The following NFASC variants were observed in gnomAD, a reference collection of about 807,000 sequenced individuals.
NFASC encodes neurofascin homolog.
A neutral mutation model predicts 147.5 loss-of-function variants in NFASC; 43 were observed. The ratio of observed to expected loss-of-function variants is 0.29; its 90% CI spans 0.23 to 0.38. The LOEUF (loss-of-function observed/expected upper bound fraction) is 0.38, where lower values mean the gene tolerates loss of function less well. NFASC is among the 10% of genes least tolerant of loss of function. NFASC has a pLI of 1.00. For synonymous variants in NFASC, 622 were observed against 665.5 expected, an observed-to-expected ratio of 0.93 and a Z score of 1.01; for missense variants, 1,320 against 1,689.0, an observed-to-expected ratio of 0.78 and a Z score of 3.83.
chr1:204,977,112 A>T, intron 16 of NFASC: 2 of 1,188,964 alleles, frequency 1.7e-6, no homozygotes, highest in Non-Finnish European at 2.1e-6. Flanking sequence ...TAACTCCACC[A>T]CTAAGTCAAT....
chr1:204,899,188 A>C (rs181465028), intron 1 of NFASC, among the ~76,000 whole-genome samples: 3 of 152,374 alleles, frequency 2.0e-5, no homozygotes, highest in Non-Finnish European at 4.4e-5. Flanking sequence ...GGCTCCATGC[A>C]GCCATCAGAG....
At chr1:204,951,625 C>T (rs1244500813) in intron 4 of NFASC, among the ~76,000 whole-genome samples, 4 of 151,670 alleles carry the variant, frequency 2.6e-5, no homozygotes, top group Non-Finnish European at 4.4e-5. Context: ...CCCTCCACCA[C>T]GCCCGGCTAA....
chr1:204,969,342 G>T (rs776006921), intron 10 of NFASC, among the ~76,000 whole-genome samples: 1 of 152,188 alleles, frequency 6.6e-6, no homozygotes, highest in Non-Finnish European at 1.5e-5. Flanking sequence ...AGCCCGTGCT[G>T]TCTGTGTACC....
chr1:205,013,015 T>C (rs2096281120), intron 29 of NFASC, 149 bp downstream of exon 29: 1 of 651,792 alleles, frequency 1.5e-6, no homozygotes, highest in South Asian at 1.8e-5. Context: ...CTGGTGGCGC[T>C]GTGGTGGAGA....
Position 204,979,044 on chromosome 1 carries a change from G to T in NFASC, c.1953G>T (p.Gly651=). The T allele has an allele frequency of 1.9e-6, 3 of 1,563,894 alleles. No individual in the cohort carries two copies. Among genetic ancestry groups the T allele is most frequent in the Admixed American group, 1.9e-5 (1 of 53,998 alleles). The change falls in exon 18 of 30, where the codon GGG becomes GGT. Residue 651 remains glycine (G), a synonymous_variant. Coordinates refer to ENST00000339876, the MANE Select transcript of NFASC (RefSeq NM_001005388.3). This position sits in a 1 kb window ranked among gnomAD's most constrained non-coding sequence, Gnocchi z 6.0. ...ERSVRLTWIP[G]DANNSPITDY... ...GCGTGCGGCTGACCTGGATCCCCGGGGATGCTAACAACAGCCCCATCACAG... is the reference window on the plus strand; with the variant it reads ...GCGTGCGGCTGACCTGGATCCCCGGTGATGCTAACAACAGCCCCATCACAG...
chr1:204,991,292 C>T lies in NFASC; in HGVS notation c.2768C>T (p.Ala923Val), dbSNP rs1357083380. Residue 923 changes from alanine (A) to valine (V), a missense_variant and splice_region_variant, in exon 24 of 30, where the codon GCT (alanine) becomes GTT (valine). This residue lies in a region of NFASC where 981 missense variants were observed against 1,289.5 expected (regional missense o/e 0.76). Coordinates refer to ENST00000339876, the MANE Select transcript of NFASC (RefSeq NM_001005388.3). ...TEESPAPPNE[A>V]TPTAAPPTLP... ...CCATCTTGGGCGCTGTGTTCTGAAG[C>T]TACTCCAACCGCAGGTACCGTACCA... 8 of 1,612,930 alleles carry T rather than the reference C, an allele frequency of 5.0e-6. No homozygotes were observed. The highest frequency in any genetic ancestry group is 6.8e-6 in the Non-Finnish European group (8 of 1,179,428).
chr1:204,939,038 A>ATGTTTGTGTGTG (rs772779672), intron 2 of NFASC, among the ~76,000 whole-genome samples: 1 of 123,670 alleles, frequency 8.1e-6, no homozygotes. Context: ...GTATGGATGG[A>ATGTTTGTGTGTG]TGTGTGTGTG....
rs753916176 is a variant in NFASC, at chr1:204,957,740, T to C, written c.620T>C (p.Met207Thr). 9 of 1,614,180 alleles carry C rather than the reference T, an allele frequency of 5.6e-6. No homozygotes were observed. The East Asian group carries it at 1.6e-4, about 28-fold the overall frequency. The change falls in exon 8 of 30, where the codon ATG (methionine) becomes ACG (threonine). Residue 207 changes from methionine (M) to threonine (T), a missense_variant. Around this residue, in one of 3 missense-constraint regions of NFASC, gnomAD observed 981 missense variants for 1,289.5 expected, o/e 0.76. Transcript: ENST00000339876. ...TTCTCCAACGTGATGCTGCAGGACA[T>C]GCAGACCGACTACAGTTGTAACGCC... ...LYFSNVMLQD[M>T]QTDYSCNARF...
chr1:204,943,299 TCTC>T (rs1052280521), intron 2 of NFASC, among the ~76,000 whole-genome samples: 10 of 152,186 alleles, frequency 6.6e-5, no homozygotes, highest in African/African-American at 2.2e-4. Context: ...TTCTTGCTCT[TCTC>T]TTTCTAGAGG....
chr1:205,015,451 CAG>C lies in NFASC; in HGVS notation c.3492-852_3492-851del, dbSNP rs2096336985. On this transcript the variant is annotated intron_variant, in intron 29 of 29. Coordinates refer to ENST00000339876, the MANE Select transcript of NFASC (RefSeq NM_001005388.3). This position sits in a 1 kb window ranked among gnomAD's most constrained non-coding sequence, Gnocchi z 4.0. The stretch of plus-strand genomic sequence containing the variant: ...CATGGTGCCTGAACAGACGCTGGCT[CAG>C]AGAGCAGCCCCGCGCCTCCTCAGGA... Among the ~76,000 whole-genome samples, 1 of 152,186 alleles carries C rather than the reference CAG, an allele frequency of 6.6e-6. No homozygotes were observed. The highest frequency in any genetic ancestry group is 2.4e-5 in the African/African-American group (1 of 41,454).
At chr1:204,981,476 TG>T (rs2095508116) in intron 20 of NFASC, among the ~76,000 whole-genome samples, 1 of 152,276 alleles carries the variant, frequency 6.6e-6, no homozygotes, top group Non-Finnish European at 1.5e-5. Flanking sequence ...TTTGCTTTAT[TG>T]GTTGCTCCTG....
At chr1:204,970,975 A>G (rs999315042) in intron 11 of NFASC, among the ~76,000 whole-genome samples, 1 of 152,124 alleles carries the variant, frequency 6.6e-6, no homozygotes, top group African/African-American at 2.4e-5. Context: ...TCATATTCCC[A>G]TGCTTAAGGG....
chr1:204,928,466 C>T (rs930597798), intron 2 of NFASC, among the ~76,000 whole-genome samples: 1 of 152,180 alleles, frequency 6.6e-6, no homozygotes, highest in African/African-American at 2.4e-5. Context: ...CACCTATGCA[C>T]TTTGGGCTTC....
chr1:204,867,735 A>T (rs1417537031), intron 1 of NFASC, among the ~76,000 whole-genome samples: 1 of 152,090 alleles, frequency 6.6e-6, no homozygotes, highest in African/African-American at 2.4e-5. Context: ...CTATCTGCGC[A>T]CTCATGGTCA....
intron 2 of NFASC, among the ~76,000 whole-genome samples, chr1:204,937,185 G>C (rs941068109): frequency 7.3e-5 from 11 of 151,418 alleles, no homozygotes; most frequent in African/African-American, 2.7e-4. Flanking sequence ...GCAGTTTTAG[G>C]TTCAAGGTAC....
At chr1:204,869,870 T>C (rs2077446546) in intron 1 of NFASC, among the ~76,000 whole-genome samples, 1 of 152,232 alleles carries the variant, frequency 6.6e-6, no homozygotes, top group Admixed American at 6.5e-5. Flanking sequence ...CTTTTTCTTA[T>C]CATTATAAAC....
At chr1:204,863,412 G>A (rs1378924489) in intron 1 of NFASC, among the ~76,000 whole-genome samples, 1 of 152,142 alleles carries the variant, frequency 6.6e-6, no homozygotes, top group Non-Finnish European at 1.5e-5. Flanking sequence ...TTTTTATTGT[G>A]ATGAAACACA....
chr1:204,904,632 G>C (rs2085385646), intron 1 of NFASC, among the ~76,000 whole-genome samples: 1 of 152,072 alleles, frequency 6.6e-6, no homozygotes, highest in Non-Finnish European at 1.5e-5. Context: ...ATCTATCTCT[G>C]CACCACTTTT....
chr1:205,014,766 C>T (rs1265745367), intron 29 of NFASC, among the ~76,000 whole-genome samples: 1 of 152,148 alleles, frequency 6.6e-6, no homozygotes, highest in Non-Finnish European at 1.5e-5. Flanking sequence ...AGCTTAGCTG[C>T]CTGGAAACAG....
Sources: allele counts gnomAD v4.1 joint callset (sites outside exome capture counted in the v4.1 genomes callset), GRCh38; gene constraint gnomAD v4.1.1; regional missense constraint gnomAD v4.1.1; non-coding constraint Gnocchi (gnomAD v3.1); transcripts MANE v1.5; gene names NCBI Gene and HGNC (gene_info 2026-07-23, HGNC 2026-07-21).